Variants in NME9 observed in about 807,000 individuals in gnomAD.
NME9 encodes thioredoxin domain-containing protein 6.
NME9 carries 48 observed loss-of-function variants against 44.4 expected under a neutral mutation model. The ratio of observed to expected loss-of-function variants is 1.08; its 90% CI spans 0.86 to 1.37. The LOEUF (loss-of-function observed/expected upper bound fraction) is 1.37. NME9 is among the 40% of genes most tolerant of loss of function. The pLI is 0.00. For missense variants in NME9, 325 were observed against 405.2 expected (o/e 0.80, Z 1.70); for synonymous variants, 139 against 147.1 (o/e 0.94, Z 0.40).
chr3:138,286,341 C>T (rs780618407), intron 8 of NME9, among the ~76,000 whole-genome samples: 1 of 152,178 alleles, frequency 6.6e-6, no homozygotes, highest in Non-Finnish European at 1.5e-5. Context: ...ACCTCTACCC[C>T]CATCATTCAA....
At chr3:138,285,645 A>G (rs1376625984) in intron 8 of NME9, among the ~76,000 whole-genome samples, 1 of 152,112 alleles carries the variant, frequency 6.6e-6, no homozygotes, top group Non-Finnish European at 1.5e-5. Flanking sequence ...CCTTCAGAGC[A>G]CTTAGCTCAG....
chr3:138,288,218 C>T (rs1364126709), intron 8 of NME9, among the ~76,000 whole-genome samples: 2 of 152,122 alleles, frequency 1.3e-5, no homozygotes, highest in African/African-American at 4.8e-5. Context: ...CTAGGTGTTA[C>T]AGAACTTCAT....
At chr3:138,269,909 C>T (rs950039530) in intron 8 of NME9, 6 of 448,292 alleles carry the variant, frequency 1.3e-5, no homozygotes, top group Admixed American at 3.6e-5. Context: ...TACATCACTC[C>T]CTGCTTTGCA....
chr3:138,275,847 T>A (rs999112841), intron 8 of NME9, among the ~76,000 whole-genome samples: 3 of 152,240 alleles, frequency 2.0e-5, no homozygotes, highest in Admixed American at 1.3e-4. Context: ...TTAAAATTTT[T>A]TTTAAAACTG....
chr3:138,301,768 C>T, intron 10 of NME9, 64 bp from the exon 11 acceptor site: 1 of 1,289,462 alleles, frequency 7.8e-7, no homozygotes, highest in Non-Finnish European at 1.1e-6. Flanking sequence ...TTCTGTCCCA[C>T]CCACCATCCA....
chr3:138,275,826 C>T (rs1457173166), intron 8 of NME9, among the ~76,000 whole-genome samples: 3 of 152,050 alleles, frequency 2.0e-5, no homozygotes, highest in Admixed American at 6.6e-5. Context: ...AGATATTTTA[C>T]GTGATATCTC....
chr3:138,288,933 G>A (rs546925915), intron 8 of NME9: 1 of 775,482 alleles, frequency 1.3e-6, no homozygotes, highest in South Asian at 1.7e-5. Flanking sequence ...CACCTCACCT[G>A]GCCCTGCTTC....
intron 8 of NME9, chr3:138,290,456 G>A: frequency 1.0e-6 from 1 of 952,626 alleles, no homozygotes; most frequent in East Asian, 2.6e-5. Flanking sequence ...GGGAGTGAAG[G>A]ACACTGGTAA....
chr3:138,264,332 G>T, intron 8 of NME9: 2 of 636,678 alleles, frequency 3.1e-6, no homozygotes, highest in Non-Finnish European at 5.4e-6. Context: ...CATTTTGAAC[G>T]TTTATCTCCT....
chr3:138,294,210 T>C (rs1357849567), intron 8 of NME9, among the ~76,000 whole-genome samples: 1 of 152,238 alleles, frequency 6.6e-6, no homozygotes, highest in Non-Finnish European at 1.5e-5. Flanking sequence ...AATATATCTC[T>C]CAGGTTCCTT....
At chr3:138,268,402 G>A (rs1361003567) in intron 8 of NME9, among the ~76,000 whole-genome samples, 1 of 152,114 alleles carries the variant, frequency 6.6e-6, no homozygotes, top group Admixed American at 6.5e-5. Flanking sequence ...CCTGTAGACG[G>A]GGTCTTGGCC....
chr3:138,329,259 C>T (rs1018373605), intron 1 of NME9, 44 bp downstream of exon 1: 4 of 1,510,506 alleles, frequency 2.6e-6, no homozygotes, highest in Middle Eastern at 1.7e-4. Context: ...TCCTCTTCCC[C>T]GAGCCCAACC....
At chr3:138,311,094 A>G (rs867305466) in intron 6 of NME9, among the ~76,000 whole-genome samples, 3 of 152,330 alleles carry the variant, frequency 2.0e-5, no homozygotes, top group South Asian at 4.1e-4. Context: ...ATAAAGAATC[A>G]TTAGACACTG....
downstream of NME9, among the ~76,000 whole-genome samples, chr3:138,299,062 C>CT (rs1398593901): frequency 6.6e-6 from 1 of 152,206 alleles, no homozygotes; most frequent in East Asian, 1.9e-4. Flanking sequence ...CACCCCAGAT[C>CT]TTGATGGAGG....
At chr3:138,306,793 A>G (rs190006001) in intron 6 of NME9, among the ~76,000 whole-genome samples, 1 of 152,352 alleles carries the variant, frequency 6.6e-6, no homozygotes, top group African/African-American at 2.4e-5. Flanking sequence ...GGGATTGCTC[A>G]AAGACTGCTT....
intron 3 of NME9, among the ~76,000 whole-genome samples, chr3:138,319,073 C>G (rs191176073): frequency 6.6e-6 from 1 of 152,180 alleles, no homozygotes; most frequent in South Asian, 2.1e-4. Context: ...TGGCATGTGC[C>G]TATATAGTCC....
At chr3:138,296,076 T>C (rs2051456660), downstream of NME9, 1 of 532,426 alleles carries the variant, frequency 1.9e-6, no homozygotes, top group South Asian at 2.9e-5. Context: ...GAGGTAGTAA[T>C]TTCCTCAGAA....
At chr3:138,299,974 T>C (rs1395225248), downstream of NME9, among the ~76,000 whole-genome samples, 1 of 152,082 alleles carries the variant, frequency 6.6e-6, no homozygotes, top group Non-Finnish European at 1.5e-5. Context: ...AGCCCAGGCA[T>C]AGGGCTTCTC....
chr3:138,269,810 T>G (rs920428739), intron 8 of NME9, among the ~76,000 whole-genome samples: 4 of 143,640 alleles, frequency 2.8e-5, no homozygotes, highest in African/African-American at 1.0e-4. Flanking sequence ...GGTTTGGTTT[T>G]GTTTTCTTTC....
Sources: gnomAD v4.1 joint callset for allele counts (sites outside exome capture counted in the v4.1 genomes callset) on GRCh38, gnomAD v4.1.1 for gene constraint, MANE v1.5 for transcripts, NCBI Gene and HGNC (gene_info 2026-07-23, HGNC 2026-07-21) for gene names.